TMEM181: variants seen among roughly 807,000 people sequenced by gnomAD.
TMEM181 encodes transmembrane protein 181, also known as G protein-coupled receptor 178.
In TMEM181, 39 loss-of-function variants were observed where a neutral mutation model predicts 71.9. The observed-to-expected ratio is 0.54, with a 90% CI of 0.42 to 0.71. The LOEUF (loss-of-function observed/expected upper bound fraction) is 0.71, where lower values mean the gene tolerates loss of function less well. Among genes scored for constraint, TMEM181 ranks in the 30% least tolerant of loss-of-function variants. The probability of loss-of-function intolerance (pLI) is 0.00; values close to 1 mark genes in which losing one functional copy is unlikely to be tolerated. For missense variants in TMEM181, 595 were observed against 583.0 expected (o/e 1.02, Z -0.21); for synonymous variants, 245 against 228.8 (o/e 1.07, Z -0.64).
chr6:158,592,744 C>G (rs1351648220), intron 6 of TMEM181, among the ~76,000 whole-genome samples: 1 of 152,056 alleles, frequency 6.6e-6, no homozygotes, highest in Non-Finnish European at 1.5e-5. Context: ...GCTGAGACCC[C>G]CATCTCTAAA....
At chr6:158,538,598 A>G (rs533669897) in intron 1 of TMEM181, among the ~76,000 whole-genome samples, 1 of 152,282 alleles carries the variant, frequency 6.6e-6, no homozygotes, top group Admixed American at 6.5e-5. Flanking sequence ...TGACCAATGT[A>G]TTCACCTGGT....
chr6:158,585,387 A>G lies in TMEM181; in HGVS notation c.343A>G (p.Lys115Glu). Reference sequence around the variant, plus strand: ...TGGAACCACGATGTACATTCATAACAAAGTTCACAACCGGACAAGGACCCT... The same window carrying G: ...TGGAACCACGATGTACATTCATAACGAAGTTCACAACCGGACAAGGACCCT... ...QDGTTMYIHN[K>E]VHNRTRTLTC... is the part of the protein sequence containing the mutation. Residue 115 changes from lysine to glutamate, a missense_variant, in exon 5 of 17, where the codon AAA becomes GAA. Physicochemically the swap from Lys to Glu is moderately conservative, Grantham distance 56. Coordinates refer to ENST00000684151, the MANE Select transcript of TMEM181 (RefSeq NM_001376852.1). The G allele has an allele frequency of 1.2e-6, 2 of 1,612,214 alleles. No individual in the cohort carries two copies. Among genetic ancestry groups the G allele is most frequent in the Non-Finnish European group, 1.7e-6 (2 of 1,179,632 alleles).
At chr6:158,582,169 C>A (rs912889041) in intron 3 of TMEM181, among the ~76,000 whole-genome samples, 2 of 152,204 alleles carry the variant, frequency 1.3e-5, no homozygotes, top group Non-Finnish European at 2.9e-5. Flanking sequence ...GCTTTATTTT[C>A]TTTCACTGTT....
At chr6:158,589,822 T>A (rs745707744) in intron 6 of TMEM181, 40 bp downstream of exon 6, 1 of 1,356,696 alleles carries the variant, frequency 7.4e-7, no homozygotes, top group South Asian at 1.2e-5. Context: ...ATGGCTCATG[T>A]TCTAGTTCCC....
chr6:158,607,214 C>CTGCAGGCAAGGTGTGAGCAA, intron 7 of TMEM181, 30 bp from the exon 8 acceptor site: 1 of 1,582,978 alleles, frequency 6.3e-7, no homozygotes. Flanking sequence ...TGAGCAAAGG[C>CTGCAGGCAAGGTGTGAGCAA]AGTAACTGGA....
intron 10 of TMEM181, among the ~76,000 whole-genome samples, chr6:158,614,639 C>T (rs554282121): frequency 6.6e-6 from 1 of 152,140 alleles, no homozygotes; most frequent in African/African-American, 2.4e-5. Context: ...CTCCAACCTC[C>T]CCCCACCCTA....
chr6:158,588,519 G>C (rs192991427), intron 5 of TMEM181, among the ~76,000 whole-genome samples: 165 of 152,246 alleles, frequency 1.1e-3, no homozygotes, highest in African/African-American at 3.7e-3. Flanking sequence ...GCGTGATCTT[G>C]GCCCACTGCA....
chr6:158,584,385 A>G (rs1783649785), intron 4 of TMEM181, among the ~76,000 whole-genome samples: 1 of 152,228 alleles, frequency 6.6e-6, no homozygotes, highest in Non-Finnish European at 1.5e-5. Context: ...GACACTTGCC[A>G]ATGTCTTGAG....
chr6:158,541,565 A>C (rs1781345984), intron 1 of TMEM181, among the ~76,000 whole-genome samples: 1 of 152,178 alleles, frequency 6.6e-6, no homozygotes, highest in Admixed American at 6.5e-5. Flanking sequence ...CTCTCCCCAC[A>C]CAAAGCTCAG....
At position 158,573,416 on chromosome 6, in the gene TMEM181, C is replaced by T; in HGVS notation, c.9-4C>T. On this transcript the variant is annotated splice_polypyrimidine_tract_variant and splice_region_variant and intron_variant, in intron 1 of 16. Transcript: ENST00000684151. ...CGTCCCTCACTGCTGGCTTCTGCCC[C>T]CAGGCTGGCGCCCATGCGGCTCTAC... 1 of 1,572,800 alleles carries T rather than the reference C, an allele frequency of 6.4e-7. No homozygotes were observed.
In TMEM181 at chr6:158,581,112, A is replaced by G. The variant is rs999270608; in HGVS notation, c.168+117A>G. 2.1e-6 allele frequency: 2 copies of G among 949,390 alleles called. 1 individual carries two copies. The highest frequency in any genetic ancestry group is 3.6e-5 in the South Asian group (2 of 55,916). 58.8% of individuals were successfully genotyped at this position (949,390 alleles called of 1,614,324 possible). ...GCCTTCCCTTGCCTTGCGGCTTCTC[A>G]GGCAACACATTTCTTCTTCCATTGT... On this transcript the variant is annotated intron_variant, in intron 3 of 16. Coordinates refer to ENST00000684151, the MANE Select transcript of TMEM181 (RefSeq NM_001376852.1).
intron 1 of TMEM181, among the ~76,000 whole-genome samples, chr6:158,571,209 G>T (rs536158141): frequency 6.6e-6 from 1 of 152,098 alleles, no homozygotes; most frequent in Admixed American, 6.6e-5. Context: ...CCATTCTCCC[G>T]CCTCAGCCTC....
chr6:158,555,848 C>T (rs761602571), upstream of TMEM181, among the ~76,000 whole-genome samples: 5 of 147,996 alleles, frequency 3.4e-5, no homozygotes, highest in Non-Finnish European at 5.9e-5. Flanking sequence ...ATCGTGCGCC[C>T]ACCGTTTAGA....
chr6:158,546,476 A>G (rs1314180578), intron 1 of TMEM181, among the ~76,000 whole-genome samples: 1 of 152,180 alleles, frequency 6.6e-6, no homozygotes, highest in East Asian at 1.9e-4. Context: ...CAAAAATAGA[A>G]CTGAACCCCA....
At chr6:158,544,307 G>A (rs1433380520) in intron 1 of TMEM181, among the ~76,000 whole-genome samples, 4 of 151,752 alleles carry the variant, frequency 2.6e-5, no homozygotes, top group African/African-American at 7.3e-5. Flanking sequence ...GGTGCTCAGC[G>A]CATCCTGGCT....
intron 1 of TMEM181, among the ~76,000 whole-genome samples, chr6:158,546,683 G>T (rs1781535200): frequency 6.6e-6 from 1 of 152,268 alleles, no homozygotes; most frequent in African/African-American, 2.4e-5. Flanking sequence ...TGCCAGCCAG[G>T]CGCGATGGCG....
intron 10 of TMEM181, among the ~76,000 whole-genome samples, chr6:158,614,603 A>G (rs182648372): frequency 6.6e-6 from 1 of 152,182 alleles, no homozygotes; most frequent in Non-Finnish European, 1.5e-5. Context: ...CATCATTTAC[A>G]TTAGGTATAT....
In TMEM181 at chr6:158,628,590, T is replaced by C. The variant is rs562079277; in HGVS notation, c.1192+100T>C. On this transcript the variant is annotated intron_variant, in intron 14 of 16. Coordinates refer to ENST00000684151, the MANE Select transcript of TMEM181 (RefSeq NM_001376852.1). ...CCCTCTCAAGAGGAGACAGGTCAGC[T>C]CCTCGCGCCCTGTTCTCCGGAGGCC... 5.7e-4 allele frequency: 588 copies of C among 1,026,658 alleles called. 1 individual carries two copies. The highest frequency in any genetic ancestry group is 7.8e-4 in the Non-Finnish European group (532 of 684,814). 63.6% of individuals were successfully genotyped at this position (1,026,658 alleles called of 1,614,324 possible).
chr6:158,544,718 C>T (rs977834560), intron 1 of TMEM181, among the ~76,000 whole-genome samples: 2 of 152,134 alleles, frequency 1.3e-5, no homozygotes, highest in African/African-American at 4.8e-5. Flanking sequence ...CACCCCCTCC[C>T]CTGCTCAATG....
Sources: allele counts gnomAD v4.1 joint callset (sites outside exome capture counted in the v4.1 genomes callset), GRCh38; gene constraint gnomAD v4.1.1; transcripts MANE v1.5; gene names NCBI Gene and HGNC (gene_info 2026-07-23, HGNC 2026-07-21).